The following HMGXB4 variants were observed in gnomAD, a reference collection of about 807,000 sequenced individuals.
The protein encoded by HMGXB4 is HMG domain-containing protein 4.
A neutral mutation model predicts 63.9 loss-of-function variants in HMGXB4; 27 were observed. That is an observed-to-expected ratio of 0.42 (90% CI 0.31 to 0.58). The LOEUF is 0.58. Among genes scored for constraint, HMGXB4 ranks in the 20% least tolerant of loss-of-function variants. The probability of loss-of-function intolerance (pLI) is 0.13; values close to 1 mark genes in which losing one functional copy is unlikely to be tolerated. For missense variants in HMGXB4, 624 were observed against 700.7 expected, an observed-to-expected ratio of 0.89 and a Z score of 1.24; for synonymous variants, 264 against 265.3, an observed-to-expected ratio of 0.99 and a Z score of 0.05.
chr22:35,248,707 T>C, the HMGXB4 span, among the ~76,000 whole-genome samples: 1 of 151,986 alleles, frequency 6.6e-6, no homozygotes, highest in Non-Finnish European at 1.5e-5. Context: ...ACCCGGCTGG[T>C]CCCAGACTTT....
chr22:35,273,953 G>A (rs564432245), intron 5 of HMGXB4, among the ~76,000 whole-genome samples: 1 of 152,342 alleles, frequency 6.6e-6, no homozygotes, highest in East Asian at 1.9e-4. Flanking sequence ...TGCCACACAT[G>A]AATACACACT....
At chr22:35,288,559 A>T in intron 9 of HMGXB4, 152 bp downstream of exon 9, 1 of 489,500 alleles carries the variant, frequency 2.0e-6, no homozygotes. Context: ...AGAAGATATA[A>T]TGATAATAAC....
rs1924410616 is a variant in HMGXB4, at chr22:35,283,854, T to G, written c.1216-108T>G. On this transcript the variant is annotated intron_variant, in intron 5 of 10. Transcript: ENST00000216106. ...TGGTTAGTAGTTTGGAACTCTTCCC[T>G]TGATGAAAAAGTTTAGGTATCCTTC... 5 of 736,206 alleles carry G rather than the reference T, an allele frequency of 6.8e-6. No homozygotes were observed. The South Asian group carries it at 8.4e-5, about 12-fold the overall frequency. The allele number at this position is 736,206 out of a possible 1,614,324, so 45.6% of individuals were successfully genotyped here.
At position 35,283,207 on chromosome 22, in the gene HMGXB4, A is replaced by T. The variant is rs192694070; in HGVS notation, c.1216-755A>T. ...ATAAAAGCAGGATGAGGGAAATTACAAGATTAGAAATCAAAACCAGAGAAG... is the reference window on the plus strand; with the variant it reads ...ATAAAAGCAGGATGAGGGAAATTACTAGATTAGAAATCAAAACCAGAGAAG... On this transcript the variant is annotated intron_variant, in intron 5 of 10. Transcript: ENST00000216106. Among the ~76,000 whole-genome samples the T allele has an allele frequency of 9.8e-5, 15 of 152,360 alleles. No individual in the cohort carries two copies. The East Asian group carries it at 1.9e-3, about 20-fold the overall frequency.
intron 3 of HMGXB4, 27 bp downstream of exon 3, chr22:35,263,253 A>G (rs1485804766): frequency 1.3e-6 from 2 of 1,590,706 alleles, no homozygotes; most frequent in Non-Finnish European, 1.7e-6. Flanking sequence ...TAAATTAGGA[A>G]AGTCTTAAAC....
intron 9 of HMGXB4, among the ~76,000 whole-genome samples, 178 bp downstream of exon 9, chr22:35,288,585 G>A (rs1243756298): frequency 6.6e-6 from 1 of 152,146 alleles, no homozygotes; most frequent in Non-Finnish European, 1.5e-5. Context: ...TATCTATAGA[G>A]ATATTCAGTC....
At chr22:35,286,851 C>CA (rs67190857) in intron 7 of HMGXB4, 1,947 of 72,724 alleles carry the variant, frequency 0.027, 58 homozygotes, top group African/African-American at 0.051. Flanking sequence ...AACTCCATCT[C>CA]AAAAAAAAAA....
At position 35,282,325 on chromosome 22, in the gene HMGXB4, C is replaced by T. The variant is rs553557372; in HGVS notation, c.1216-1637C>T. ...CCGAGTAGCTGGGACTACAGGCGCCCACCACCATGCCCGGCTAATTTTTTA... is the reference window on the plus strand; with the variant it reads ...CCGAGTAGCTGGGACTACAGGCGCCTACCACCATGCCCGGCTAATTTTTTA... On this transcript the variant is annotated intron_variant, in intron 5 of 10. Coordinates refer to ENST00000216106, the MANE Select transcript of HMGXB4 (RefSeq NM_001003681.3). Among the ~76,000 whole-genome samples the T allele has an allele frequency of 2.2e-3, 328 of 152,252 alleles. 1 individual carries two copies. The highest frequency in any genetic ancestry group is 3.5e-3 in the Non-Finnish European group (235 of 68,022).
chr22:35,280,172 T>C (rs555668888), intron 5 of HMGXB4, among the ~76,000 whole-genome samples: 2 of 152,278 alleles, frequency 1.3e-5, no homozygotes, highest in South Asian at 2.1e-4. Flanking sequence ...TATGACCATG[T>C]CTTGCCCACC....
At chr22:35,262,251 A>G (rs769451358) in intron 1 of HMGXB4, 72 bp from the exon 2 acceptor site, 36 of 826,208 alleles carry the variant, frequency 4.4e-5, no homozygotes, top group Non-Finnish European at 7.2e-5. Flanking sequence ...ATCACTGCGC[A>G]TTTCCATCTG....
rs5845220 is a variant in HMGXB4 at position 35,267,148 on chromosome 22, A to ATATATATATAT, written c.1215+1551_1215+1552insTATATTATATA. ...TCTGTTTATCAGTATGTGTGTGTGT[A>ATATATATATAT]TATATAATATATATAAAATAATATA... is the stretch of plus-strand genomic sequence containing the variant. On this transcript the variant is annotated intron_variant, in intron 5 of 10. Transcript: ENST00000216106. Among the ~76,000 whole-genome samples, 21 of 118,690 alleles carry ATATATATATAT rather than the reference A, an allele frequency of 1.8e-4. No homozygotes were observed. In the East Asian group the frequency reaches 2.3e-3, roughly 13 times the overall value. 77.9% of individuals were successfully genotyped at this position (118,690 alleles called of 152,430 possible). A position where few individuals can be genotyped will look rare whatever the true frequency, so the allele number is the denominator to read the frequency against.
chr22:35,256,586 G>A (rs61234752), upstream of HMGXB4, among the ~76,000 whole-genome samples: 3,782 of 152,154 alleles, frequency 0.025, 158 homozygotes, highest in African/African-American at 0.086. Flanking sequence ...TGCAATCTCC[G>A]CCTCCCGGGT....
the HMGXB4 span, among the ~76,000 whole-genome samples, chr22:35,248,494 C>A: frequency 2.5e-4 from 37 of 150,804 alleles, no homozygotes; most frequent in South Asian, 7.1e-3. Context: ...GTAGTCTACA[C>A]CTCCCAGGTT....
At chr22:35,269,441 T>C (rs1441176327) in intron 5 of HMGXB4, among the ~76,000 whole-genome samples, 1 of 152,208 alleles carries the variant, frequency 6.6e-6, no homozygotes, top group Non-Finnish European at 1.5e-5. Context: ...TTAGCAGCAC[T>C]GTCTGCTTGG....
At position 35,295,626 on chromosome 22, in the gene HMGXB4, TGTG is replaced by T. The variant is rs1335389101; in HGVS notation, c.*1978_*1980del. 1 of 152,678 alleles carries T rather than the reference TGTG, an allele frequency of 6.5e-6. No individual in the cohort carries two copies. The highest frequency in any genetic ancestry group is 2.4e-5 in the African/African-American group (1 of 41,466). The allele number at this position is 152,678 out of a possible 1,614,324, so 9.5% of individuals were successfully genotyped here. ...CACATTTGTATAATAATCTGTACCT[TGTG>T]GTATTTGGTACTATTAGAGGAAAAA... is the stretch of plus-strand genomic sequence containing the variant. On this transcript the variant is annotated 3_prime_UTR_variant, in exon 11 of 11. Transcript: ENST00000216106.
chr22:35,284,263 A>C (rs1342723833), intron 6 of HMGXB4, among the ~76,000 whole-genome samples: 1 of 152,248 alleles, frequency 6.6e-6, no homozygotes, highest in Admixed American at 6.5e-5. Flanking sequence ...TGTAAAAATA[A>C]ATGTTGTAAA....
the HMGXB4 span, among the ~76,000 whole-genome samples, chr22:35,243,636 G>C: frequency 2.0e-5 from 3 of 150,798 alleles, no homozygotes; most frequent in South Asian, 2.1e-4. Context: ...CTCCACCTCC[G>C]GGGTTTAAGC....
the HMGXB4 span, among the ~76,000 whole-genome samples, chr22:35,251,364 C>CG: frequency 6.6e-6 from 1 of 152,148 alleles, no homozygotes; most frequent in Non-Finnish European, 1.5e-5. Context: ...CATAAGCCAC[C>CG]GCGCCCGGCC....
At chr22:35,289,426 C>T (rs558137919) in intron 9 of HMGXB4, among the ~76,000 whole-genome samples, 2 of 152,126 alleles carry the variant, frequency 1.3e-5, no homozygotes, top group African/African-American at 2.4e-5. Context: ...CTGCACTGCC[C>T]TCCAGCCTGG....
Sources: allele counts gnomAD v4.1 joint callset (sites outside exome capture counted in the v4.1 genomes callset), GRCh38; gene constraint gnomAD v4.1.1; transcripts MANE v1.5; gene names NCBI Gene and HGNC (gene_info 2026-07-23, HGNC 2026-07-21).